Variants in GRM1 observed in about 807,000 individuals in gnomAD.
GRM1 encodes the protein glutamate metabotropic receptor 1, also known as metabotropic glutamate receptor 1.
A neutral mutation model predicts 90.9 loss-of-function variants in GRM1; 33 were observed. The observed-to-expected ratio is 0.36, with a 90% CI of 0.28 to 0.49. The LOEUF (loss-of-function observed/expected upper bound fraction) is 0.49. Among genes scored for constraint, GRM1 ranks in the 20% least tolerant of loss-of-function variants. The probability of loss-of-function intolerance (pLI) is 0.99; values close to 1 mark genes in which losing one functional copy is unlikely to be tolerated. For synonymous variants in GRM1, 700 were observed against 613.2 expected, an observed-to-expected ratio of 1.14 and a Z score of -2.09; for missense variants, 1,190 against 1,534.3, an observed-to-expected ratio of 0.78 and a Z score of 3.75.
intron 1 of GRM1, among the ~76,000 whole-genome samples, chr6:146,129,198 C>T (rs1215727005): frequency 6.6e-6 from 1 of 151,848 alleles, no homozygotes; most frequent in Non-Finnish European, 1.5e-5. Flanking sequence ...AATATTTAAC[C>T]AAATAGCAAT....
intron 7 of GRM1, among the ~76,000 whole-genome samples, chr6:146,410,006 C>G (rs1777502785): frequency 6.6e-6 from 1 of 152,148 alleles, no homozygotes; most frequent in Non-Finnish European, 1.5e-5. Context: ...TAGCAAATAC[C>G]CTCAAATACT....
chr6:146,146,059 TG>T (rs1160896171), intron 1 of GRM1, among the ~76,000 whole-genome samples: 2 of 151,114 alleles, frequency 1.3e-5, no homozygotes, highest in African/African-American at 4.8e-5. Flanking sequence ...TATTTCTTTT[TG>T]GAATGTAAAT....
chr6:146,064,600 C>T (rs1212705140), intron 1 of GRM1, among the ~76,000 whole-genome samples: 2 of 151,278 alleles, frequency 1.3e-5, no homozygotes, highest in African/African-American at 4.9e-5. Context: ...TTCCTTGATC[C>T]ACTAATTTTT....
intron 2 of GRM1, among the ~76,000 whole-genome samples, chr6:146,192,051 AC>A (rs1778950721): frequency 6.6e-6 from 1 of 152,212 alleles, no homozygotes; most frequent in Non-Finnish European, 1.5e-5. Flanking sequence ...CTACTTACTA[AC>A]CTCCTCACAA....
intron 5 of GRM1, among the ~76,000 whole-genome samples, chr6:146,373,560 A>T (rs1476065481): frequency 6.6e-6 from 1 of 152,146 alleles, no homozygotes; most frequent in Non-Finnish European, 1.5e-5. Flanking sequence ...ACTGGGGATT[A>T]CAATTTGATA....
At chr6:146,218,788 G>T (rs1289428693) in intron 2 of GRM1, among the ~76,000 whole-genome samples, 2 of 152,078 alleles carry the variant, frequency 1.3e-5, no homozygotes, top group Non-Finnish European at 2.9e-5. Flanking sequence ...CTCACTAGGT[G>T]CATTTAATAT....
At chr6:146,171,623 T>A in intron 2 of GRM1, 1 of 258,216 alleles carries the variant, frequency 3.9e-6, no homozygotes. Flanking sequence ...GGGGGGTGAA[T>A]TTTTTCTCCT....
At chr6:146,349,069 T>TATTATTATC (rs1456373213) in intron 3 of GRM1, among the ~76,000 whole-genome samples, 1 of 147,982 alleles carries the variant, frequency 6.8e-6, no homozygotes, top group East Asian at 2.0e-4. Context: ...TTATTATTAT[T>TATTATTATC]ATTATTATTA....
At chr6:146,246,543 A>G (rs1583216890) in intron 2 of GRM1, among the ~76,000 whole-genome samples, 1 of 152,226 alleles carries the variant, frequency 6.6e-6, no homozygotes, top group Non-Finnish European at 1.5e-5. Flanking sequence ...ATTAATAGCT[A>G]TACCTTGAAC....
chr6:146,147,157 C>T (rs190354108), intron 1 of GRM1, among the ~76,000 whole-genome samples: 32 of 152,264 alleles, frequency 2.1e-4, no homozygotes, highest in South Asian at 1.5e-3. Context: ...TGGCTATGCC[C>T]GGTCACTCCA....
chr6:146,387,446 T>C (rs1776549596), intron 6 of GRM1, among the ~76,000 whole-genome samples: 2 of 152,044 alleles, frequency 1.3e-5, no homozygotes, highest in Non-Finnish European at 2.9e-5. Flanking sequence ...AAAAATATAA[T>C]ATAACATAAC....
At chr6:146,045,605 C>CTGTAAA (rs1318563508) in intron 1 of GRM1, among the ~76,000 whole-genome samples, 1 of 151,798 alleles carries the variant, frequency 6.6e-6, no homozygotes, top group Non-Finnish European at 1.5e-5. Flanking sequence ...GTGCCTAGTA[C>CTGTAAA]TGTAAATGTA....
chr6:146,058,300 C>G (rs982108707), intron 1 of GRM1, among the ~76,000 whole-genome samples: 1 of 152,014 alleles, frequency 6.6e-6, no homozygotes, highest in Non-Finnish European at 1.5e-5. Flanking sequence ...AGTCCTAGAC[C>G]ACTGCAATAA....
At chr6:146,234,211 A>T (rs997718559) in intron 2 of GRM1, among the ~76,000 whole-genome samples, 1 of 151,682 alleles carries the variant, frequency 6.6e-6, no homozygotes. Context: ...TTTACTTTTA[A>T]CCTGTTTCTT....
At chr6:146,122,325 C>T (rs1189290036) in intron 1 of GRM1, among the ~76,000 whole-genome samples, 4 of 151,888 alleles carry the variant, frequency 2.6e-5, no homozygotes, top group African/African-American at 9.7e-5. Flanking sequence ...TTTGTTTCTC[C>T]TTATCTTTGG....
chr6:146,411,847 C>A (rs79515271), intron 7 of GRM1, among the ~76,000 whole-genome samples: 1,941 of 152,222 alleles, frequency 0.013, 47 homozygotes, highest in African/African-American at 0.045. Flanking sequence ...TGAACTATCA[C>A]CAGAATAAAT....
chr6:146,309,388 G>T (rs1452851345), intron 3 of GRM1, among the ~76,000 whole-genome samples: 2 of 150,658 alleles, frequency 1.3e-5, no homozygotes, highest in Admixed American at 1.3e-4. Flanking sequence ...GACAGAGCGA[G>T]ACTCTGTCTC....
intron 6 of GRM1, among the ~76,000 whole-genome samples, chr6:146,397,619 G>A (rs1777013171): frequency 6.6e-6 from 1 of 151,988 alleles, no homozygotes; most frequent in African/African-American, 2.4e-5. Context: ...AAAGTGTGGA[G>A]TTTAGGGATT....
chr6:146,182,255 A>G (rs1778574537), intron 2 of GRM1, among the ~76,000 whole-genome samples: 1 of 152,138 alleles, frequency 6.6e-6, no homozygotes, highest in Non-Finnish European at 1.5e-5. Flanking sequence ...AGGAAAGACA[A>G]GAAGCTTGAT....
Sources: allele counts gnomAD v4.1 joint callset (sites outside exome capture counted in the v4.1 genomes callset), GRCh38; gene constraint gnomAD v4.1.1; transcripts MANE v1.5; gene names NCBI Gene and HGNC (gene_info 2026-07-23, HGNC 2026-07-21).